RNF121: variants seen among roughly 807,000 people sequenced by gnomAD.
RNF121 encodes ring finger protein 121.
RNF121 carries 21 observed loss-of-function variants against 46.5 expected under a neutral mutation model. The observed-to-expected ratio is 0.45, with a 90% CI of 0.32 to 0.65. RNF121 has a LOEUF of 0.65. RNF121 is among the 30% of genes least tolerant of loss of function. The pLI is 0.04. For missense variants in RNF121, 346 were observed against 416.0 expected, an observed-to-expected ratio of 0.83 and a Z score of 1.46; for synonymous variants, 139 against 144.7, an observed-to-expected ratio of 0.96 and a Z score of 0.28.
At chr11:71,981,416 CTCTT>C (rs1261506255) in intron 3 of RNF121, among the ~76,000 whole-genome samples, 1 of 152,104 alleles carries the variant, frequency 6.6e-6, no homozygotes, top group Non-Finnish European at 1.5e-5. Flanking sequence ...CTCTATATCT[CTCTT>C]TTTGTTGTTG....
At chr11:71,940,887 A>C (rs1317556338) in intron 1 of RNF121, among the ~76,000 whole-genome samples, 1 of 152,258 alleles carries the variant, frequency 6.6e-6, no homozygotes, top group East Asian at 1.9e-4. Flanking sequence ...TGAGTTCAAT[A>C]GGTAGTCAAA....
At chr11:71,978,366 C>A in intron 3 of RNF121, 1 of 215,096 alleles carries the variant, frequency 4.6e-6, no homozygotes, top group South Asian at 4.6e-5. Flanking sequence ...GCTTTCACTC[C>A]CTAATGGAGA....
At chr11:71,991,858 A>C (rs1356002885) in intron 6 of RNF121, among the ~76,000 whole-genome samples, 1 of 151,992 alleles carries the variant, frequency 6.6e-6, no homozygotes, top group Non-Finnish European at 1.5e-5. Flanking sequence ...ACAGTGGCTC[A>C]CTTTGGGAGG....
intron 1 of RNF121, among the ~76,000 whole-genome samples, chr11:71,932,239 C>T (rs1953291789): frequency 6.6e-6 from 1 of 152,244 alleles, no homozygotes; most frequent in African/African-American, 2.4e-5. Context: ...CTGTTTAAAA[C>T]CCTTTACCTG....
rs527267676 is a variant in RNF121 at position 71,976,722 on chromosome 11, A to G, written c.244-6039A>G. On this transcript the variant is annotated intron_variant, in intron 3 of 8. Coordinates refer to ENST00000361756, the MANE Select transcript of RNF121 (RefSeq NM_018320.5). ...CTGTGTTGGCAGCAGCCCTGTTGGC[A>G]TATATTCCCTGGCAATTTGTGGTCA... 2.0e-3 allele frequency among the ~76,000 whole-genome samples: 310 copies of G among 152,200 alleles called. 1 individual carries two copies. The highest frequency in any genetic ancestry group is 3.5e-3 in the Non-Finnish European group (236 of 68,002).
rs745669645 is a variant in RNF121 at position 71,994,838 on chromosome 11, G to T, written c.747G>T (p.Leu249=). The part of the protein sequence containing the change: ...EEGIIENTYR[L]SCNHVFHEFC... ...GGATCATTGAGAACACGTATAGGCT[G>T]TCCTGCAATCATGTGTATCCTGCCT... is the stretch of plus-strand genomic sequence containing the variant. Residue 249 remains leucine (L), a synonymous_variant, in exon 7 of 9, where the codon CTG becomes CTT. Transcript: ENST00000361756. The T allele has an allele frequency of 6.2e-7, 1 of 1,614,184 alleles. No individual in the cohort carries two copies. Among genetic ancestry groups the T allele is most frequent in the Non-Finnish European group, 8.5e-7 (1 of 1,180,030 alleles).
chr11:71,971,403 CT>C (rs1481610755), intron 3 of RNF121, among the ~76,000 whole-genome samples: 1 of 151,934 alleles, frequency 6.6e-6, no homozygotes, highest in Non-Finnish European at 1.5e-5. Flanking sequence ...AGTAAATGAA[CT>C]TTTTTAAAAA....
chr11:71,957,777 A>T (rs921117111), intron 2 of RNF121, among the ~76,000 whole-genome samples: 2 of 152,282 alleles, frequency 1.3e-5, no homozygotes, highest in East Asian at 3.9e-4. Flanking sequence ...CAACTCTGCA[A>T]CTAACTTGTT....
At chr11:71,986,337 ATCT>A (rs1207978935) in intron 4 of RNF121, among the ~76,000 whole-genome samples, 1 of 152,182 alleles carries the variant, frequency 6.6e-6, no homozygotes, top group Non-Finnish European at 1.5e-5. Flanking sequence ...CTGCCTGTTA[ATCT>A]TCTGAGCATA....
chr11:71,978,160 C>T, intron 3 of RNF121: 1 of 452,670 alleles, frequency 2.2e-6, no homozygotes. Flanking sequence ...CTCAGCCCCC[C>T]AATGTGCTCG....
chr11:71,958,949 C>T (rs1455649025), intron 2 of RNF121, among the ~76,000 whole-genome samples: 5 of 152,220 alleles, frequency 3.3e-5, no homozygotes, highest in Admixed American at 2.6e-4. Flanking sequence ...AAACTTATCT[C>T]TTGCTATCTT....
rs10635678 is a variant in RNF121 at position 71,982,335 on chromosome 11, CAAAAA to C, written c.244-411_244-407del. Among the ~76,000 whole-genome samples the C allele has an allele frequency of 1.5e-4, 12 of 79,114 alleles. No homozygotes were observed. In the East Asian group the frequency reaches 1.5e-3, roughly 10 times the overall value. 51.9% of individuals were successfully genotyped at this position (79,114 alleles called of 152,430 possible). ...TGGGCAACAGAGCAAGACTCCATCT[CAAAAA>C]AAAAAAAAAAAAAAGGAATGTTGGA... On this transcript the variant is annotated intron_variant, in intron 3 of 8. Coordinates refer to ENST00000361756, the MANE Select transcript of RNF121 (RefSeq NM_018320.5).
intron 1 of RNF121, among the ~76,000 whole-genome samples, chr11:71,942,298 T>G (rs1953591416): frequency 6.6e-6 from 1 of 152,114 alleles, no homozygotes; most frequent in South Asian, 2.1e-4. Flanking sequence ...TTTTAAAAGA[T>G]CTTTCTGGCT....
chr11:71,996,169 G>A (rs1272079523), intron 8 of RNF121, 26 bp from the exon 9 acceptor site: 1 of 1,613,544 alleles, frequency 6.2e-7, no homozygotes, highest in Admixed American at 1.7e-5. Flanking sequence ...CTTGCACAGA[G>A]TCTCTTTTCT....
At chr11:71,980,732 C>A (rs1326315862) in intron 3 of RNF121, among the ~76,000 whole-genome samples, 1 of 152,182 alleles carries the variant, frequency 6.6e-6, no homozygotes, top group Non-Finnish European at 1.5e-5. Flanking sequence ...CTAAGCTGCA[C>A]TACCTATTAT....
intron 4 of RNF121, among the ~76,000 whole-genome samples, chr11:71,985,481 T>C (rs1256930571): frequency 6.6e-6 from 1 of 152,204 alleles, no homozygotes; most frequent in Non-Finnish European, 1.5e-5. Context: ...GTCTCTCTCT[T>C]TTGTGATCAG....
intron 1 of RNF121, among the ~76,000 whole-genome samples, chr11:71,932,205 C>T (rs1953291140): frequency 6.6e-6 from 1 of 152,220 alleles, no homozygotes; most frequent in Non-Finnish European, 1.5e-5. Context: ...ACTATTTATT[C>T]AGCTCTTAAC....
intron 3 of RNF121, among the ~76,000 whole-genome samples, chr11:71,976,448 C>T (rs905131081): frequency 5.3e-5 from 8 of 149,678 alleles, no homozygotes; most frequent in Non-Finnish European, 8.9e-5. Flanking sequence ...CTCCGCCTCC[C>T]GGGTTCAAGC....
chr11:71,931,375 T>C (rs1037456710), intron 1 of RNF121, among the ~76,000 whole-genome samples: 2 of 152,092 alleles, frequency 1.3e-5, no homozygotes, highest in African/African-American at 4.8e-5. Context: ...ATCTTTTTTG[T>C]TGTTGTATGT....
Sources: allele counts gnomAD v4.1 joint callset (sites outside exome capture counted in the v4.1 genomes callset), GRCh38; gene constraint gnomAD v4.1.1; transcripts MANE v1.5; gene names NCBI Gene and HGNC (gene_info 2026-07-23, HGNC 2026-07-21).